SUN1: variants seen among roughly 807,000 people sequenced by gnomAD.
SUN1 encodes the protein SUN domain-containing protein 1.
A neutral mutation model predicts 103.2 loss-of-function variants in SUN1; 61 were observed. That is an observed-to-expected ratio of 0.59 (90% confidence interval 0.48 to 0.73). SUN1 has a LOEUF of 0.73. Among genes scored for constraint, SUN1 ranks in the 30% least tolerant of loss-of-function variants. SUN1 has a pLI of 0.00. For synonymous variants in SUN1, 490 were observed against 425.7 expected, an observed-to-expected ratio of 1.15 and a Z score of -1.86; for missense variants, 1,052 against 1,034.6, an observed-to-expected ratio of 1.02 and a Z score of -0.23.
intron 1 of SUN1, among the ~76,000 whole-genome samples, chr7:817,982 G>A (rs73043547): frequency 0.027 from 4,128 of 151,734 alleles, 127 homozygotes; most frequent in Non-Finnish European, 0.037. Context: ...TTTGGCCATG[G>A]TATTTTAAAT....
intron 1 of SUN1, among the ~76,000 whole-genome samples, chr7:818,695 C>A (rs1429019500): frequency 6.6e-6 from 1 of 152,166 alleles, no homozygotes; most frequent in African/African-American, 2.4e-5. Context: ...ATCCCCCCAA[C>A]ACTTAGTTTC....
chr7:862,362 C>A (rs1434307210), intron 15 of SUN1, among the ~76,000 whole-genome samples: 1 of 152,100 alleles, frequency 6.6e-6, no homozygotes, highest in Non-Finnish European at 1.5e-5. Context: ...GGATCCTAAT[C>A]CCATTAGTAC....
Position 856,359 on chromosome 7 carries a change from C to T in SUN1, c.1352C>T (p.Ala451Val). Residue 451 changes from alanine to valine, a missense_variant and splice_region_variant, in exon 12 of 19, where the codon GCC becomes GTC. Coordinates refer to ENST00000401592, the MANE Select transcript of SUN1 (RefSeq NM_001130965.3). ...TAGACTATTTCTCATACTTTTTAGGCCATCCAGAAGGAACTAGAACAGACC... is the reference window on the plus strand; with the variant it reads ...TAGACTATTTCTCATACTTTTTAGGTCATCCAGAAGGAACTAGAACAGACC... ...ILGKLREKSE[A>V]IQKELEQTKQ... The T allele has an allele frequency of 1.2e-6, 2 of 1,613,816 alleles. No individual in the cohort carries two copies. The highest frequency in any genetic ancestry group is 1.7e-6 in the Non-Finnish European group (2 of 1,179,842).
chr7:843,450 C>G lies in SUN1; in HGVS notation c.588C>G (p.Asp196Glu). The G allele has an allele frequency of 6.2e-7, 1 of 1,614,160 alleles. No homozygotes were observed. Among genetic ancestry groups the G allele is most frequent in the Non-Finnish European group, 8.5e-7 (1 of 1,180,022 alleles). ...SNCSMLSERK[D>E]VLTAHPAAPG... is the part of the protein sequence containing the mutation. ...GCAGCATGCTGTCCGAGCGCAAGGA[C>G]GTGCTCACGGCGCACCCCGCGGCCC... Residue 196 changes from aspartate to glutamate, a missense_variant, in exon 5 of 19, where the codon GAC (aspartate) becomes GAG (glutamate). Around this residue, in one of 2 missense-constraint regions of SUN1, gnomAD observed 846 missense variants for 774.5 expected, o/e 1.09. Transcript: ENST00000401592.
intron 15 of SUN1, among the ~76,000 whole-genome samples, chr7:864,048 C>T (rs1184346634): frequency 6.6e-6 from 1 of 152,182 alleles, no homozygotes; most frequent in Non-Finnish European, 1.5e-5. Flanking sequence ...TAATATCCTT[C>T]ATCATTTTCA....
At chr7:860,525 G>A in intron 14 of SUN1, 143 bp downstream of exon 14, 3 of 1,390,794 alleles carry the variant, frequency 2.2e-6, no homozygotes, top group Non-Finnish European at 2.9e-6. Context: ...AGTGAGATGA[G>A]ACGTGCCTGG....
rs1306393740 is a variant in SUN1, at chr7:856,362, T to C, written c.1355T>C (p.Ile452Thr). 13 of 1,614,042 alleles carry C rather than the reference T, an allele frequency of 8.1e-6. No homozygotes were observed. Among genetic ancestry groups the C allele is most frequent in the Non-Finnish European group, 1.1e-5 (13 of 1,179,966 alleles). ...LGKLREKSEA[I>T]QKELEQTKQK... ...ACTATTTCTCATACTTTTTAGGCCA[T>C]CCAGAAGGAACTAGAACAGACCAAG... Residue 452 changes from isoleucine to threonine, a missense_variant, in exon 12 of 19, where the codon ATC (isoleucine) becomes ACC (threonine). By Grantham distance (89) the Ile-to-Thr change is moderately conservative. Around this residue, in one of 2 missense-constraint regions of SUN1, gnomAD observed 846 missense variants for 774.5 expected, o/e 1.09. Transcript: ENST00000401592.
intron 1 of SUN1, among the ~76,000 whole-genome samples, chr7:821,107 T>C (rs1200128166): frequency 6.7e-6 from 1 of 148,260 alleles, no homozygotes; most frequent in Admixed American, 6.7e-5. Flanking sequence ...TAGCCCTTTC[T>C]CAAAGGGGTA....
chr7:866,975 CAT>C (rs1396562776), intron 16 of SUN1, among the ~76,000 whole-genome samples: 2 of 152,078 alleles, frequency 1.3e-5, no homozygotes, highest in Non-Finnish European at 2.9e-5. Context: ...ATATTCATGA[CAT>C]GTTTTGAAGA....
At chr7:862,222 A>G (rs1437023230) in intron 15 of SUN1, among the ~76,000 whole-genome samples, 1 of 152,248 alleles carries the variant, frequency 6.6e-6, no homozygotes, top group Non-Finnish European at 1.5e-5. Context: ...GGGGACTCAC[A>G]TCACTCAGAA....
intron 5 of SUN1, among the ~76,000 whole-genome samples, chr7:847,926 CAG>C (rs1817842777): frequency 2.0e-5 from 3 of 150,256 alleles, no homozygotes; most frequent in Admixed American, 6.6e-5. Flanking sequence ...CTCCACAGTC[CAG>C]TCTCCGGGAT....
chr7:820,588 C>G (rs1785000368), intron 1 of SUN1, among the ~76,000 whole-genome samples: 2 of 152,286 alleles, frequency 1.3e-5, no homozygotes, highest in South Asian at 4.2e-4. Context: ...GGGAGAACTT[C>G]CAGTATAGTG....
In SUN1 at chr7:853,448, G is replaced by A. The variant is rs760059515; in HGVS notation, c.1093G>A (p.Val365Met). 3.7e-6 allele frequency: 6 copies of A among 1,613,894 alleles called. No individual in the cohort carries two copies. Among genetic ancestry groups the A allele is most frequent in the Non-Finnish European group, 5.1e-6 (6 of 1,180,054 alleles). The change falls in exon 10 of 19, where the codon GTG becomes ATG. Residue 365 changes from valine (V) to methionine (M), a missense_variant. This residue lies in a region of SUN1 where 846 missense variants were observed against 774.5 expected (regional missense o/e 1.09). Transcript: ENST00000401592. ...EAFPWHWMSG[V>M]EQQVASLSGQ... ...TTTTCCGTGGCATTGGATGAGTGGC[G>A]TGGAGCAGCAGGTGGCCTCTCTGTC...
At chr7:855,051 C>T in intron 11 of SUN1, 45 bp downstream of exon 11, 1 of 1,418,462 alleles carries the variant, frequency 7.0e-7, no homozygotes, top group Non-Finnish European at 9.9e-7. Flanking sequence ...AAAAGAAAAT[C>T]AACTATGGCT....
intron 1 of SUN1, among the ~76,000 whole-genome samples, chr7:838,466 G>A (rs1270321880): frequency 6.6e-6 from 1 of 152,202 alleles, no homozygotes; most frequent in East Asian, 1.9e-4. Context: ...ACACTCTGAT[G>A]TGTTTATAGC....
chr7:828,261 TTTTTTG>T (rs1450032556), upstream of SUN1, among the ~76,000 whole-genome samples: 1 of 135,326 alleles, frequency 7.4e-6, no homozygotes, highest in African/African-American at 3.0e-5. Context: ...TTTGTTTTTG[TTTTTTG>T]TTTTTGTTTT....
rs564197049 is a variant in SUN1, at chr7:822,502, G to A, written c.-74+5829G>A. Among the ~76,000 whole-genome samples, 48 of 152,330 alleles carry A rather than the reference G, an allele frequency of 3.2e-4. 1 individual carries two copies. Among genetic ancestry groups the A allele is most frequent in the Admixed American group, 2.7e-3 (41 of 15,300 alleles). On this transcript the variant is annotated intron_variant, in intron 1 of 17. Transcript: ENST00000389574. Reference sequence around the variant, plus strand: ...GGGAGACACCCCTCGGGCATGTGTAGTTTGAACACAGAGCAGCCCTTTGGT... The same window carrying A: ...GGGAGACACCCCTCGGGCATGTGTAATTTGAACACAGAGCAGCCCTTTGGT...
chr7:851,603 G>A (rs922108122), intron 6 of SUN1, 121 bp downstream of exon 6: 8 of 867,642 alleles, frequency 9.2e-6, no homozygotes, highest in Middle Eastern at 2.2e-4. Context: ...GACCCTTGGC[G>A]TAACGTGTCT....
At chr7:832,315 T>G (rs1798716136), upstream of SUN1, among the ~76,000 whole-genome samples, 1 of 152,204 alleles carries the variant, frequency 6.6e-6, no homozygotes, top group South Asian at 2.1e-4. Context: ...ATAGAAGTGT[T>G]CCTGGGCTTG....
Sources: gnomAD v4.1 joint callset for allele counts (sites outside exome capture counted in the v4.1 genomes callset) on GRCh38, gnomAD v4.1.1 for gene constraint, gnomAD v4.1.1 regional missense constraint, MANE v1.5 for transcripts, NCBI Gene and HGNC (gene_info 2026-07-23, HGNC 2026-07-21) for gene names.